CACNB2: variants seen among roughly 807,000 people sequenced by gnomAD.
The protein encoded by CACNB2 is calcium voltage-gated channel auxiliary subunit beta 2.
A neutral mutation model predicts 73.3 loss-of-function variants in CACNB2; 42 were observed. That is an observed-to-expected ratio of 0.57 (90% CI 0.45 to 0.74). The LOEUF (loss-of-function observed/expected upper bound fraction) is 0.74, where lower values mean the gene tolerates loss of function less well. Ranked by LOEUF, CACNB2 falls within the 30% of genes least tolerant of loss-of-function variation. CACNB2 has a pLI of 0.00. For missense variants in CACNB2, 940 were observed against 853.0 expected (o/e 1.10, Z -1.27); for synonymous variants, 348 against 310.3 (o/e 1.12, Z -1.28).
rs761366151 is a variant in CACNB2, at chr10:18,540,996, G to GTGTT, written c.*1274_*1277dup. The stretch of plus-strand genomic sequence containing the variant: ...GAAAATACAGGCAATTTTACTGTGA[G>GTGTT]TGTTTCACTGGAAATGTACAATCTT... On this transcript the variant is annotated 3_prime_UTR_variant, in exon 14 of 14. Coordinates refer to ENST00000324631, the MANE Select transcript of CACNB2 (RefSeq NM_201596.3). The GTGTT allele has an allele frequency of 1.3e-5, 2 of 152,582 alleles. No individual in the cohort carries two copies. The highest frequency in any genetic ancestry group is 2.9e-5 in the Non-Finnish European group (2 of 68,044). The allele number at this position is 152,582 out of a possible 1,614,324, so 9.5% of individuals were successfully genotyped here. A position where few individuals can be genotyped will look rare whatever the true frequency, so the allele number is the denominator to read the frequency against.
chr10:18,412,906 C>G (rs11014125), intron 3 of CACNB2, among the ~76,000 whole-genome samples: 100,145 of 152,188 alleles, frequency 0.66, 33,994 homozygotes, highest in East Asian at 0.9. Flanking sequence ...GTGGTCTGTG[C>G]GTTGTACCCA....
intron 3 of CACNB2, among the ~76,000 whole-genome samples, chr10:18,403,725 T>C (rs2044130723): frequency 6.6e-6 from 1 of 152,054 alleles, no homozygotes; most frequent in Non-Finnish European, 1.5e-5. Flanking sequence ...TCCTACAGCC[T>C]AAAAAGATGA....
rs981359650 is a variant in CACNB2, at chr10:18,393,330, C to T, written c.214-8594C>T. ...AAATTACTTAGCCTATGACTGAAAT[C>T]CAAAACTCAAAATAATATCAAAATT... On this transcript the variant is annotated intron_variant, in intron 2 of 13. Transcript: ENST00000324631. Among the ~76,000 whole-genome samples the T allele has an allele frequency of 1.6e-4, 24 of 152,124 alleles. 1 individual carries two copies. Among genetic ancestry groups the T allele is most frequent in the Admixed American group, 1.6e-3 (24 of 15,274 alleles).
intron 2 of CACNB2, among the ~76,000 whole-genome samples, chr10:18,326,508 C>T (rs2040595357): frequency 6.6e-6 from 1 of 152,210 alleles, no homozygotes; most frequent in Admixed American, 6.5e-5. Flanking sequence ...GTTCCTCCTT[C>T]ATCAGACTTC....
chr10:18,220,229 AT>A (rs2035716893), intron 2 of CACNB2, among the ~76,000 whole-genome samples: 1 of 49,624 alleles, frequency 2.0e-5, no homozygotes, highest in African/African-American at 1.8e-4. Flanking sequence ...ATATATATAT[AT>A]ATAGAGAGAG....
intron 2 of CACNB2, among the ~76,000 whole-genome samples, chr10:18,189,158 C>T (rs2034286390): frequency 6.6e-6 from 1 of 152,010 alleles, no homozygotes; most frequent in East Asian, 1.9e-4. Flanking sequence ...AAAAAAATTC[C>T]TCAAAGTAGT....
intron 3 of CACNB2, among the ~76,000 whole-genome samples, chr10:18,488,367 C>T (rs917645204): frequency 6.2e-5 from 9 of 145,002 alleles, no homozygotes; most frequent in Middle Eastern, 3.6e-3. Flanking sequence ...CCCAGCTACT[C>T]GGGAGGCTGA....
intron 3 of CACNB2, among the ~76,000 whole-genome samples, chr10:18,483,626 G>T (rs1026687561): frequency 5.3e-5 from 8 of 151,930 alleles, no homozygotes; most frequent in Non-Finnish European, 8.8e-5. Context: ...ACTTCTGATC[G>T]CTAGACCTCT....
intron 2 of CACNB2, among the ~76,000 whole-genome samples, chr10:18,337,566 T>A (rs2041058044): frequency 6.6e-6 from 1 of 152,126 alleles, no homozygotes; most frequent in Non-Finnish European, 1.5e-5. Flanking sequence ...TATTTCAGAA[T>A]ACAAAGAAGC....
chr10:18,534,291 C>T, intron 11 of CACNB2, 64 bp downstream of exon 11: 2 of 1,378,566 alleles, frequency 1.5e-6, no homozygotes, highest in Non-Finnish European at 1.0e-6. Flanking sequence ...TTATGTTCTG[C>T]TTTCTATAAT....
At chr10:18,178,846 A>G (rs369904808) in intron 2 of CACNB2, among the ~76,000 whole-genome samples, 6 of 152,270 alleles carry the variant, frequency 3.9e-5, no homozygotes, top group African/African-American at 1.4e-4. Flanking sequence ...CAGGGAAGAG[A>G]GGTTGGATAG....
chr10:18,292,915 T>C (rs1044370155), intron 2 of CACNB2, among the ~76,000 whole-genome samples: 1 of 152,172 alleles, frequency 6.6e-6, no homozygotes, highest in African/African-American at 2.4e-5. Flanking sequence ...ACCATACTCA[T>C]CATAGAATTT....
At chr10:18,296,101 A>C (rs572978196) in intron 2 of CACNB2, among the ~76,000 whole-genome samples, 1 of 145,304 alleles carries the variant, frequency 6.9e-6, no homozygotes, top group African/African-American at 2.6e-5. Flanking sequence ...TTTATCAGAG[A>C]TCTATCTCTT....
intron 2 of CACNB2, among the ~76,000 whole-genome samples, chr10:18,161,521 C>T (rs1414304774): frequency 6.6e-6 from 1 of 151,588 alleles, no homozygotes; most frequent in Non-Finnish European, 1.5e-5. Flanking sequence ...TAGGTGTAAC[C>T]TTAAAGTTTA....
intron 7 of CACNB2, among the ~76,000 whole-genome samples, chr10:18,514,743 C>T (rs1321377113): frequency 6.6e-6 from 1 of 152,202 alleles, no homozygotes; most frequent in African/African-American, 2.4e-5. Context: ...TAATATCTAC[C>T]ACCAAGGGAA....
rs188559468 is a variant in CACNB2 at position 18,287,162 on chromosome 10, C to T, written c.214-114762C>T. ...TAGCCAACATAGTGAAACCCCGTCT[C>T]TACTAAAAACACAAAAATTAACCAG... On this transcript the variant is annotated intron_variant, in intron 2 of 13. Transcript: ENST00000324631. 1.2e-3 allele frequency among the ~76,000 whole-genome samples: 177 copies of T among 152,012 alleles called. 1 individual carries two copies. In the Middle Eastern group the frequency reaches 0.014, roughly 12 times the overall value.
In CACNB2 at chr10:18,366,733, C is replaced by G. The variant is rs544208852; in HGVS notation, c.214-35191C>G. ...TGAACTCGGGAGGCAGAGGTTGCAGCGAGCGGACATTGTGCCACCGCACAC... is the reference window on the plus strand; with the variant it reads ...TGAACTCGGGAGGCAGAGGTTGCAGGGAGCGGACATTGTGCCACCGCACAC... On this transcript the variant is annotated intron_variant, in intron 2 of 13. Transcript: ENST00000324631. Among the ~76,000 whole-genome samples the G allele has an allele frequency of 3.9e-4, 58 of 150,538 alleles. 2 individuals are homozygous for G. In the South Asian group the frequency reaches 0.011, roughly 28 times the overall value.
intron 2 of CACNB2, among the ~76,000 whole-genome samples, chr10:18,241,916 C>A (rs186839028): frequency 6.6e-6 from 1 of 152,026 alleles, no homozygotes; most frequent in South Asian, 2.1e-4. Flanking sequence ...GATTGATCAT[C>A]TTGGTTATAT....
intron 2 of CACNB2, among the ~76,000 whole-genome samples, chr10:18,239,954 G>A (rs1359148271): frequency 6.6e-6 from 1 of 152,146 alleles, no homozygotes; most frequent in African/African-American, 2.4e-5. Context: ...GGATTCTCAT[G>A]TCTTCTCATA....
Sources: gnomAD v4.1 joint callset for allele counts (sites outside exome capture counted in the v4.1 genomes callset) on GRCh38, gnomAD v4.1.1 for gene constraint, MANE v1.5 for transcripts, NCBI Gene and HGNC (gene_info 2026-07-23, HGNC 2026-07-21) for gene names.